MYH14: variants seen among roughly 807,000 people sequenced by gnomAD.
The protein encoded by MYH14 is myosin heavy chain 14, also known as myosin-14.
Under a neutral mutation model 255.5 loss-of-function variants are expected in MYH14, and 123 were observed. That is an observed-to-expected ratio of 0.48 (90% CI 0.42 to 0.56). The LOEUF (loss-of-function observed/expected upper bound fraction) is 0.56, where lower values mean the gene tolerates loss of function less well. Ranked by LOEUF, MYH14 falls within the 20% of genes least tolerant of loss-of-function variation. MYH14 has a pLI of 0.00. For missense variants in MYH14, 2,423 were observed against 2,802.3 expected (o/e 0.86, Z 3.06); for synonymous variants, 1,095 against 1,161.2 (o/e 0.94, Z 1.16).
In MYH14 at chr19:50,280,345, G is replaced by C. The variant is rs759326942; in HGVS notation, c.4252G>C (p.Glu1418Gln). Residue 1418 changes from glutamate (E) to glutamine (Q), a missense_variant, in exon 32 of 43, where the codon GAA becomes CAA. By Grantham distance (29) the Glu-to-Gln change is conservative. Transcript: ENST00000642316. The surrounding 1 kb of genome is among the most constrained non-coding windows in gnomAD (Gnocchi z 4.8). ...GCTGGAGGAGGAGGCAGCTGCCAGG[G>C]AACGGGCGGGCCGTGAACTGCAGAC... ...EQLEEEAAAR[E>Q]RAGRELQTAQ... 6.5e-7 allele frequency: 1 copy of C among 1,548,244 alleles called. No homozygotes were observed. Among genetic ancestry groups the C allele is most frequent in the Non-Finnish European group, 8.7e-7 (1 of 1,145,864 alleles).
In MYH14 at chr19:50,301,706, G is replaced by T; in HGVS notation, c.5515G>T (p.Ala1839Ser). The change falls in exon 40 of 43, where the codon GCC (alanine) becomes TCC (serine). Residue 1839 changes from alanine (A) to serine (S), a missense_variant. Physicochemically the swap from Ala to Ser is moderately conservative, Grantham distance 99. This residue lies in a region of MYH14 where 1,513 missense variants were observed against 1,674.8 expected (regional missense o/e 0.90). Coordinates refer to ENST00000642316, the MANE Select transcript of MYH14 (RefSeq NM_001145809.2). ...TELSAERSFSAKAESGRQQLE... is the reference protein window; with the variant it reads ...TELSAERSFSSKAESGRQQLE... ...GCTGTCAGCTGAGCGCAGTTTCTCAGCCAAGGCAGAGAGCGGGCGGCAGCA... is the reference window on the plus strand; with the variant it reads ...GCTGTCAGCTGAGCGCAGTTTCTCATCCAAGGCAGAGAGCGGGCGGCAGCA... The T allele has an allele frequency of 6.2e-7, 1 of 1,613,870 alleles. No individual in the cohort carries two copies. Among genetic ancestry groups the T allele is most frequent in the Non-Finnish European group, 8.5e-7 (1 of 1,179,800 alleles).
chr19:50,293,193 C>G lies in MYH14; in HGVS notation c.5257-40C>G, dbSNP rs1404409561. 2.7e-6 allele frequency: 4 copies of G among 1,486,458 alleles called. No individual in the cohort carries two copies. The Admixed American group carries it at 5.7e-5, about 21-fold the overall frequency. The allele number at this position is 1,486,458 out of a possible 1,614,324, so 92.1% of individuals were successfully genotyped here. On this transcript the variant is annotated intron_variant, in intron 37 of 42. Coordinates refer to ENST00000642316, the MANE Select transcript of MYH14 (RefSeq NM_001145809.2). The surrounding 1 kb of genome is among the most constrained non-coding windows in gnomAD (Gnocchi z 4.1). ...AGGGGTGAGACCCGTGCCCAGATTG[C>G]TTCTCCTCACACCCACCGGCCACCC...
chr19:50,225,832 T>C (rs1393467080), intron 7 of MYH14, among the ~76,000 whole-genome samples, 155 bp downstream of exon 7: 3 of 106,812 alleles, frequency 2.8e-5, no homozygotes, highest in African/African-American at 7.3e-5. Flanking sequence ...GCTGGGGGCC[T>C]GGACCCCTGG....
Position 50,210,751 on chromosome 19 carries a change from A to G in MYH14, c.386A>G (p.Tyr129Cys). The change falls in exon 2 of 43, where the codon TAC (tyrosine) becomes TGC (cysteine). Residue 129 changes from tyrosine to cysteine, a missense_variant. Tyr to Cys is a radical substitution (Grantham distance 194). Coordinates refer to ENST00000642316, the MANE Select transcript of MYH14 (RefSeq NM_001145809.2). ...GTCCTGCACAACCTCCGGGAGCGGT[A>G]CTACTCCGGCCTCATCTACGTGAGT... ...ASVLHNLRER[Y>C]YSGLIYTYSG... 1 of 1,578,886 alleles carries G rather than the reference A, an allele frequency of 6.3e-7. No homozygotes were observed. Among genetic ancestry groups the G allele is most frequent in the Non-Finnish European group, 8.6e-7 (1 of 1,163,254 alleles).
At chr19:50,284,096 A>ACAAAAAACAAAAC (rs199996408) in intron 33 of MYH14, among the ~76,000 whole-genome samples, 1 of 151,654 alleles carries the variant, frequency 6.6e-6, no homozygotes, top group Non-Finnish European at 1.5e-5. Flanking sequence ...AAAAAACAAA[A>ACAAAAAACAAAAC]AAAAAACAAA....
chr19:50,301,187 G>C (rs890076143), intron 39 of MYH14, among the ~76,000 whole-genome samples: 1 of 152,168 alleles, frequency 6.6e-6, no homozygotes, highest in African/African-American at 2.4e-5. Flanking sequence ...AAATGCTCCT[G>C]CATATAACAC....
intron 18 of MYH14, 43 bp downstream of exon 18, chr19:50,257,529 G>A: frequency 1.3e-6 from 2 of 1,556,800 alleles, no homozygotes; most frequent in Non-Finnish European, 1.7e-6. Context: ...CTGTGGCTGT[G>A]GGTTAAGGTT....
chr19:50,224,224 C>T (rs1440527457), intron 6 of MYH14, 47 bp downstream of exon 6: 1 of 1,613,372 alleles, frequency 6.2e-7, no homozygotes, highest in East Asian at 2.2e-5. Context: ...CTAATGCCTT[C>T]CCGGCCACCC....
At position 50,293,332 on chromosome 19, in the gene MYH14, C is replaced by T. The variant is rs1194708564; in HGVS notation, c.5345+11C>T. ...TGGTAACCTTAGCAAGTAAGTGCCC[C>T]AAGGGTCTGAAGGCTGAGGTACTGC... On this transcript the variant is annotated intron_variant, in intron 38 of 42. Coordinates refer to ENST00000642316, the MANE Select transcript of MYH14 (RefSeq NM_001145809.2). The surrounding 1 kb of genome is among the most constrained non-coding windows in gnomAD (Gnocchi z 4.1). 1 of 1,591,022 alleles carries T rather than the reference C, an allele frequency of 6.3e-7. No homozygotes were observed.
chr19:50,207,073 A>C (rs931315989), intron 1 of MYH14, among the ~76,000 whole-genome samples: 1 of 147,372 alleles, frequency 6.8e-6, no homozygotes, highest in African/African-American at 2.6e-5. Context: ...AAAAAAAAAA[A>C]AAAAGGCTGG....
intron 17 of MYH14, among the ~76,000 whole-genome samples, chr19:50,255,985 A>G (rs1166916618): frequency 6.6e-6 from 1 of 151,488 alleles, no homozygotes; most frequent in Non-Finnish European, 1.5e-5. Context: ...GATTCAACAC[A>G]TAGAATTTGG....
At position 50,250,481 on chromosome 19, in the gene MYH14, T is replaced by A. The variant is rs1465710591; in HGVS notation, c.1657-34T>A. 25 of 1,597,504 alleles carry A rather than the reference T, an allele frequency of 1.6e-5. No homozygotes were observed. The highest frequency in any genetic ancestry group is 2.1e-5 in the Non-Finnish European group (25 of 1,170,314). On this transcript the variant is annotated intron_variant, in intron 14 of 42. Transcript: ENST00000642316. This position sits in a 1 kb window ranked among gnomAD's most constrained non-coding sequence, Gnocchi z 5.4. Reference sequence around the variant, plus strand: ...CACCTGAGTGTCCAATATGTGGGGATCTGACTTACTCTCCCCCTGCTGTCA... The same window carrying A: ...CACCTGAGTGTCCAATATGTGGGGAACTGACTTACTCTCCCCCTGCTGTCA...
Position 50,282,569 on chromosome 19 carries a change from G to A in MYH14, c.4539+727G>A, listed in dbSNP as rs1383196050. Among the ~76,000 whole-genome samples, 10 of 152,240 alleles carry A rather than the reference G, an allele frequency of 6.6e-5. No individual in the cohort carries two copies. The South Asian group carries it at 1.0e-3, about 16-fold the overall frequency. ...TACAAAAAAATTAGCTGGGCATGGC[G>A]GTGTGCGCCTGTAATCCTAGCTACT... On this transcript the variant is annotated intron_variant, in intron 33 of 42. Transcript: ENST00000642316.
chr19:50,275,246 G>A (rs2035460858), intron 27 of MYH14, among the ~76,000 whole-genome samples: 2 of 152,140 alleles, frequency 1.3e-5, no homozygotes, highest in South Asian at 2.1e-4. Flanking sequence ...GTCCCAGTTG[G>A]TGCTGCCCCC....
intron 10 of MYH14, among the ~76,000 whole-genome samples, chr19:50,243,674 C>T (rs182588069): frequency 2.0e-5 from 3 of 152,318 alleles, no homozygotes; most frequent in Admixed American, 6.5e-5. Context: ...TCACAAGAAT[C>T]GACTATACTT....
chr19:50,225,467 A>C (rs531885290), intron 6 of MYH14, 118 bp from the exon 7 acceptor site: 11 of 720,934 alleles, frequency 1.5e-5, no homozygotes, highest in African/African-American at 1.2e-4. Flanking sequence ...ACGCCCAGAC[A>C]CACAAAGGCC....
rs2036618021 is a variant in MYH14, at chr19:50,305,303, G to A, written c.5679-1746G>A. On this transcript the variant is annotated intron_variant, in intron 40 of 42. Transcript: ENST00000642316. ...AAGATGAACAAGAGAGGATGAAGAA[G>A]AGAAAGCAGGGGGCAGAAGGAATGA... Among the ~76,000 whole-genome samples, 4 of 152,104 alleles carry A rather than the reference G, an allele frequency of 2.6e-5. No homozygotes were observed. In the South Asian group the frequency reaches 6.2e-4, roughly 24 times the overall value.
At chr19:50,236,298 A>C (rs149944456) in intron 10 of MYH14, among the ~76,000 whole-genome samples, 15 of 152,176 alleles carry the variant, frequency 9.9e-5, no homozygotes, top group African/African-American at 3.6e-4. Flanking sequence ...ATGCCACTGC[A>C]CTCCAGCCTG....
At chr19:50,288,891 T>C (rs1375538001) in intron 34 of MYH14, among the ~76,000 whole-genome samples, 1 of 152,060 alleles carries the variant, frequency 6.6e-6, no homozygotes, top group African/African-American at 2.4e-5. Flanking sequence ...TGAAAATTCA[T>C]AAGCCCAGCT....
Sources: allele counts gnomAD v4.1 joint callset (sites outside exome capture counted in the v4.1 genomes callset), GRCh38; gene constraint gnomAD v4.1.1; regional missense constraint gnomAD v4.1.1; non-coding constraint Gnocchi (gnomAD v3.1); transcripts MANE v1.5; gene names NCBI Gene and HGNC (gene_info 2026-07-23, HGNC 2026-07-21).